INTS14: variants seen among roughly 807,000 people sequenced by gnomAD.
INTS14 encodes the protein integrator complex subunit 14, also known as UPF0464 protein C15orf44.
Under a neutral mutation model 56.9 loss-of-function variants are expected in INTS14, and 27 were observed. That is an observed-to-expected ratio of 0.47 (90% confidence interval 0.35 to 0.65). The LOEUF (loss-of-function observed/expected upper bound fraction) is 0.65. Ranked by LOEUF, INTS14 falls within the 30% of genes least tolerant of loss-of-function variation. The pLI is 0.00. For synonymous variants in INTS14, 207 were observed against 236.2 expected (o/e 0.88, Z 1.13); for missense variants, 517 against 632.2 (o/e 0.82, Z 1.95).
chr15:65,591,061 G>T lies in INTS14; in HGVS notation c.1120+537C>A, dbSNP rs1381383963. 2.0e-5 allele frequency among the ~76,000 whole-genome samples: 3 copies of T among 152,090 alleles called. No homozygotes were observed. In the East Asian group the frequency reaches 5.8e-4, roughly 29 times the overall value. On this transcript the variant is annotated intron_variant, in intron 9 of 11. Coordinates refer to ENST00000313182, the MANE Select transcript of INTS14 (RefSeq NM_001394796.1). ...CAGGTAAGACTAGAGTTATAGATTT[G>T]GGAAATGTGAAGTTATTACAGCTGA... is the stretch of plus-strand genomic sequence containing the variant.
chr15:65,582,882 A>T (rs1348019754), intron 10 of INTS14, among the ~76,000 whole-genome samples: 3 of 152,190 alleles, frequency 2.0e-5, no homozygotes, highest in Admixed American at 2.0e-4. Flanking sequence ...ATGGACAAAG[A>T]ACTTGAGTAT....
At chr15:65,604,984 G>C (rs988615208) in intron 3 of INTS14, 145 bp downstream of exon 3, 1 of 648,004 alleles carries the variant, frequency 1.5e-6, no homozygotes, top group African/African-American at 1.8e-5. Flanking sequence ...TGTTGATTTA[G>C]TACCTTCACT....
At chr15:65,605,329 CA>C in intron 2 of INTS14, 93 bp from the exon 3 acceptor site, 1 of 919,018 alleles carries the variant, frequency 1.1e-6, no homozygotes, top group Non-Finnish European at 1.7e-6. Context: ...GAATGTTACA[CA>C]GGGGACACTG....
At chr15:65,607,892 G>A (rs2073713839) in intron 1 of INTS14, among the ~76,000 whole-genome samples, 1 of 152,156 alleles carries the variant, frequency 6.6e-6, no homozygotes, top group African/African-American at 2.4e-5. Context: ...TATTTTGTTG[G>A]TTGGTGCTCT....
intron 7 of INTS14, 86 bp downstream of exon 7, chr15:65,595,647 C>T (rs2073184652): frequency 8.3e-6 from 9 of 1,084,024 alleles, no homozygotes; most frequent in Non-Finnish European, 1.3e-6. Context: ...CTAAATTCTG[C>T]AAAATGGGCT....
chr15:65,581,875 C>A, intron 11 of INTS14, 79 bp downstream of exon 11: 1 of 1,415,272 alleles, frequency 7.1e-7, no homozygotes, highest in Admixed American at 1.9e-5. Context: ...CTAACCCCTG[C>A]CCATATTCAC....
intron 10 of INTS14, among the ~76,000 whole-genome samples, chr15:65,584,092 T>C (rs535483323): frequency 6.6e-6 from 1 of 152,328 alleles, no homozygotes; most frequent in African/African-American, 2.4e-5. Context: ...AAATGACTTT[T>C]TGCTGATGAA....
chr15:65,591,386 C>A (rs1250262808), intron 9 of INTS14, among the ~76,000 whole-genome samples: 2 of 152,078 alleles, frequency 1.3e-5, no homozygotes, highest in African/African-American at 4.8e-5. Context: ...TTACTTAAAG[C>A]AATCTAAATG....
At chr15:65,604,730 CAAA>C (rs1040822777) in intron 3 of INTS14, among the ~76,000 whole-genome samples, 8,066 of 62,330 alleles carry the variant, frequency 0.13, 193 homozygotes, top group African/African-American at 0.16. Context: ...ACCCTGTCTC[CAAA>C]AAAAAAAAAA....
chr15:65,589,522 T>A (rs562769522), intron 9 of INTS14, among the ~76,000 whole-genome samples: 1 of 152,246 alleles, frequency 6.6e-6, no homozygotes, highest in African/African-American at 2.4e-5. Flanking sequence ...TTTGAAAATA[T>A]ACACTAAATT....
chr15:65,610,392 C>G (rs7169169), intron 1 of INTS14, among the ~76,000 whole-genome samples: 20,771 of 152,002 alleles, frequency 0.14, 2,714 homozygotes, highest in African/African-American at 0.35. Context: ...CCACAGTCTA[C>G]CAATTTTGTG....
intron 2 of INTS14, among the ~76,000 whole-genome samples, chr15:65,605,718 A>G (rs1426857035): frequency 1.3e-5 from 2 of 152,226 alleles, no homozygotes; most frequent in Non-Finnish European, 2.9e-5. Context: ...AAGGTGGCAG[A>G]ACCTGGATTT....
chr15:65,594,312 G>A (rs1414410102), intron 7 of INTS14, among the ~76,000 whole-genome samples: 1 of 151,904 alleles, frequency 6.6e-6, no homozygotes, highest in Non-Finnish European at 1.5e-5. Flanking sequence ...AATTCAACAG[G>A]AAGAATTAGC....
intron 1 of INTS14, among the ~76,000 whole-genome samples, chr15:65,608,999 G>A (rs1260353595): frequency 6.6e-6 from 1 of 152,194 alleles, no homozygotes; most frequent in African/African-American, 2.4e-5. Context: ...CCGGGTTCAC[G>A]CCATTCTCCT....
intron 2 of INTS14, among the ~76,000 whole-genome samples, chr15:65,605,503 GA>G (rs2073611337): frequency 6.6e-6 from 1 of 152,036 alleles, no homozygotes; most frequent in African/African-American, 2.4e-5. Context: ...GACTTTGAAG[GA>G]AAAAATTAAA....
Position 65,605,038 on chromosome 15 carries a change from A to G in INTS14, c.330+91T>C, listed in dbSNP as rs1265285103. On this transcript the variant is annotated intron_variant, in intron 3 of 11. Transcript: ENST00000313182. ...GTAAAATGTAGTTTGTAGAAATTAC[A>G]ATGCATGCTGTGTCAGAGCCTGAAG... The G allele has an allele frequency of 5.5e-6, 5 of 909,702 alleles. No homozygotes were observed. In the Admixed American group the frequency reaches 5.6e-5, roughly 10 times the overall value. The allele number at this position is 909,702 out of a possible 1,614,324, so 56.4% of individuals were successfully genotyped here.
At chr15:65,593,350 C>T in intron 8 of INTS14, 78 bp downstream of exon 8, 1 of 1,511,238 alleles carries the variant, frequency 6.6e-7, no homozygotes, top group Non-Finnish European at 8.9e-7. Flanking sequence ...CTATTTCCTT[C>T]AGAAAAGTCT....
chr15:65,586,964 A>C (rs1423241042), intron 9 of INTS14: 1 of 152,196 alleles, frequency 6.6e-6, no homozygotes, highest in East Asian at 1.9e-4. Context: ...GATACAAAGA[A>C]GATCACCAAG....
At position 65,579,332 on chromosome 15, in the gene INTS14, GAA is replaced by G; in HGVS notation, c.*74_*75del. ...GTCTTTGGGTGGCTATTCTAGAGGT[GAA>G]CATACTGGAAAGGTTTTTACCTAAA... On this transcript the variant is annotated 3_prime_UTR_variant, in exon 12 of 12. Transcript: ENST00000313182. 6.4e-7 allele frequency: 1 copy of G among 1,556,596 alleles called. No homozygotes were observed. The highest frequency in any genetic ancestry group is 8.7e-7 in the Non-Finnish European group (1 of 1,148,484).
Sources: gnomAD v4.1 joint callset for allele counts (sites outside exome capture counted in the v4.1 genomes callset) on GRCh38, gnomAD v4.1.1 for gene constraint, MANE v1.5 for transcripts, NCBI Gene and HGNC (gene_info 2026-07-23, HGNC 2026-07-21) for gene names.